The following DHODH variants were observed in gnomAD, a reference collection of about 807,000 sequenced individuals.
DHODH encodes dihydroorotate dehydrogenase (quinone), also known as dihydroorotate dehydrogenase (quinone), mitochondrial.
DHODH carries 30 observed loss-of-function variants against 39.7 expected under a neutral mutation model. That is an observed-to-expected ratio of 0.76 (90% confidence interval 0.57 to 1.02). The LOEUF is 1.02. DHODH is among the 50% of genes least tolerant of loss of function. The pLI is 0.00. For synonymous variants in DHODH, 222 were observed against 213.8 expected (o/e 1.04, Z -0.34); for missense variants, 531 against 520.8 (o/e 1.02, Z -0.19).
In DHODH at chr16:72,020,650, C is replaced by A. The variant is rs186359535; in HGVS notation, c.518-474C>A. Among the ~76,000 whole-genome samples, 236 of 152,112 alleles carry A rather than the reference C, an allele frequency of 1.6e-3. 2 individuals carry two copies. The highest frequency in any genetic ancestry group is 5.1e-3 in the African/African-American group (210 of 41,482). On this transcript the variant is annotated intron_variant, in intron 4 of 8. Transcript: ENST00000219240. ...TATAGGCGTGAGCCACCGCACCTGG[C>A]CTGTTTTTCAGTATTTTATACATGT...
At chr16:72,015,979 C>G in intron 3 of DHODH, 1 of 647,798 alleles carries the variant, frequency 1.5e-6, no homozygotes, top group Non-Finnish European at 1.9e-6. Flanking sequence ...ACAACAGGCA[C>G]ATTTGATATT....
intron 2 of DHODH, chr16:72,013,849 G>A (rs904039465): frequency 1.9e-5 from 3 of 157,396 alleles, no homozygotes; most frequent in Non-Finnish European, 4.2e-5. Flanking sequence ...TCCAGGATCC[G>A]ACCGTGTTCA....
chr16:72,012,049 G>A lies in DHODH; in HGVS notation c.22-1G>A, dbSNP rs2041087420. On this transcript the variant is annotated splice_acceptor_variant, in intron 1 of 8. Coordinates refer to ENST00000219240, the MANE Select transcript of DHODH (RefSeq NM_001361.5). LOFTEE classifies it high-confidence loss of function. ...CCCCCCTAATATGCTCTTTTTTGCAGAAGCGGGCCCAGGATGCTGTGATCA... is the reference window on the plus strand; with the variant it reads ...CCCCCCTAATATGCTCTTTTTTGCAAAAGCGGGCCCAGGATGCTGTGATCA... The A allele has an allele frequency of 6.2e-7, 1 of 1,613,828 alleles. No individual in the cohort carries two copies. Among genetic ancestry groups the A allele is most frequent in the Non-Finnish European group, 8.5e-7 (1 of 1,179,910 alleles).
rs1238449164 is a variant in DHODH, at chr16:72,017,073, G to A, written c.484G>A (p.Ala162Thr). The A allele has an allele frequency of 1.2e-6, 2 of 1,614,102 alleles. No individual in the cohort carries two copies. The highest frequency in any genetic ancestry group is 1.7e-6 in the Non-Finnish European group (2 of 1,179,984). The change falls in exon 4 of 9, where the codon GCC becomes ACC. Residue 162 changes from alanine to threonine, a missense_variant. Transcript: ENST00000219240. The stretch of plus-strand genomic sequence containing the variant: ...TTCAGTGGTGGAACACAGGTTACGG[G>A]CCAGACAGCAGAAGCAGGCCAAGCT... ...GLSVVEHRLR[A>T]RQQKQAKLTE...
At position 72,016,311 on chromosome 16, in the gene DHODH, AAAGAGG is replaced by A. The variant is rs545030584; in HGVS notation, c.435-703_435-698del. On this transcript the variant is annotated intron_variant, in intron 3 of 8. Coordinates refer to ENST00000219240, the MANE Select transcript of DHODH (RefSeq NM_001361.5). ...ATCAGGGCAGGTGGGTTTCACTGGC[AAAGAGG>A]AAGAGGAAGGGGACTGGCCACTAGG... is the stretch of plus-strand genomic sequence containing the variant. 2.4e-3 allele frequency: 370 copies of A among 154,740 alleles called. 1 individual carries two copies. The highest frequency in any genetic ancestry group is 8.1e-3 in the African/African-American group (336 of 41,550). 9.6% of individuals were successfully genotyped at this position (154,740 alleles called of 1,614,324 possible). A position where few individuals can be genotyped will look rare whatever the true frequency, so the allele number is the denominator to read the frequency against.
chr16:72,014,341 T>G, intron 2 of DHODH, 132 bp from the exon 3 acceptor site: 1 of 845,708 alleles, frequency 1.2e-6, no homozygotes, highest in Non-Finnish European at 1.9e-6. Flanking sequence ...ATTTTGACCT[T>G]GGGGGTGGGC....
Position 72,023,693 on chromosome 16 carries a change from C to T in DHODH, c.1133+60C>T, listed in dbSNP as rs2041249152. 3 of 1,601,342 alleles carry T rather than the reference C, an allele frequency of 1.9e-6. No homozygotes were observed. In the East Asian group the frequency reaches 6.7e-5, roughly 36 times the overall value. On this transcript the variant is annotated intron_variant, in intron 8 of 8. Transcript: ENST00000219240. Reference sequence around the variant, plus strand: ...TAGGCAGAGGTTCATTTAGATCACTCAAGTCAACGAGATACTGTTGATCTG... The same window carrying T: ...TAGGCAGAGGTTCATTTAGATCACTTAAGTCAACGAGATACTGTTGATCTG...
chr16:72,021,026 C>T, intron 4 of DHODH, 98 bp from the exon 5 acceptor site: 2 of 1,278,078 alleles, frequency 1.6e-6, no homozygotes, highest in South Asian at 1.4e-5. Flanking sequence ...GAGGGAAGGC[C>T]TGCGCGGCTG....
In DHODH at chr16:72,022,357, C is replaced by T. The variant is rs1221100620; in HGVS notation, c.706-5C>T. On this transcript the variant is annotated splice_polypyrimidine_tract_variant and splice_region_variant and intron_variant, in intron 5 of 8. Coordinates refer to ENST00000219240, the MANE Select transcript of DHODH (RefSeq NM_001361.5). ...GTCCCCAGCTCTGGCCGTGTGTCGC[C>T]CTAGGTGCTGCAGGAGAGGGATGGC... 1 of 1,551,484 alleles carries T rather than the reference C, an allele frequency of 6.4e-7. No individual in the cohort carries two copies.
At chr16:72,020,348 TATATATGTGTATATATA>T (rs1567572825) in intron 4 of DHODH, 2 of 117,928 alleles carry the variant, frequency 1.7e-5, no homozygotes, top group Non-Finnish European at 3.2e-5. Flanking sequence ...TATATATATA[TATATATGTGTATATATA>T]TATATATTTT....
At position 72,008,771 on chromosome 16, in the gene DHODH, T is replaced by G. The variant is rs1255512252; in HGVS notation, c.7T>G (p.Trp3Gly). 6.4e-7 allele frequency: 1 copy of G among 1,551,740 alleles called. No homozygotes were observed. Residue 3 changes from tryptophan (W) to glycine (G), a missense_variant, in exon 1 of 9, where the codon TGG (tryptophan) becomes GGG (glycine). Physicochemically the swap from Trp to Gly is radical, Grantham distance 184 (BLOSUM62 -2). Coordinates refer to ENST00000219240, the MANE Select transcript of DHODH (RefSeq NM_001361.5). MAWRHLKKRAQDA... is the reference protein window; with the variant it reads MAGRHLKKRAQDA... ...GCTTAATGACGGAAGGAGCATGGCG[T>G]GGAGACACCTGAAAGTGAGTCCCGC...
Position 72,014,479 on chromosome 16 carries a change from A to G in DHODH, c.241A>G (p.Arg81Gly), listed in dbSNP as rs751532422. The G allele has an allele frequency of 5.0e-6, 8 of 1,613,990 alleles. No homozygotes were observed. The highest frequency in any genetic ancestry group is 6.8e-6 in the Non-Finnish European group (8 of 1,179,992). Residue 81 changes from arginine (R) to glycine (G), a missense_variant, in exon 3 of 9, where the codon AGA becomes GGA. By Grantham distance (125) the Arg-to-Gly change is moderately radical (BLOSUM62 -2). Transcript: ENST00000219240. ...TTTGTCTTCCTCTTCCCAGGAAGTG[A>G]GAGTTCTGGGCCATAAATTCCGAAA... The part of the protein sequence containing the change: ...RFQDSDMLEV[R>G]VLGHKFRNPV...
intron 4 of DHODH, among the ~76,000 whole-genome samples, chr16:72,017,874 C>G (rs11865639): frequency 0.015 from 2,314 of 151,478 alleles, 60 homozygotes; most frequent in African/African-American, 0.051. Context: ...CGCGTTCTCA[C>G]TATTCTCCTG....
chr16:72,019,830 A>T (rs1207376110), intron 4 of DHODH, among the ~76,000 whole-genome samples: 1 of 152,202 alleles, frequency 6.6e-6, no homozygotes, highest in East Asian at 1.9e-4. Context: ...TTACACCTCT[A>T]CATTTTAGGC....
chr16:72,008,832 G>A (rs1213584369), intron 1 of DHODH, 47 bp downstream of exon 1: 3 of 1,552,308 alleles, frequency 1.9e-6, no homozygotes, highest in Non-Finnish European at 2.6e-6. Context: ...AGGGACCGGG[G>A]AGGGCGAGAA....
At position 72,021,187 on chromosome 16, in the gene DHODH, A is replaced by G; in HGVS notation, c.581A>G (p.Tyr194Cys). The stretch of plus-strand genomic sequence containing the variant: ...ACCTCAGTGGACGCCGCGGAGGACT[A>G]CGCAGAAGGGGTGCGCGTACTGGGC... The part of the protein sequence containing the change: ...NKTSVDAAED[Y>C]AEGVRVLGPL... The change falls in exon 5 of 9, where the codon TAC (tyrosine) becomes TGC (cysteine). Residue 194 changes from tyrosine to cysteine, a missense_variant. Transcript: ENST00000219240. 6.2e-7 allele frequency: 1 copy of G among 1,610,612 alleles called. No individual in the cohort carries two copies. The highest frequency in any genetic ancestry group is 8.5e-7 in the Non-Finnish European group (1 of 1,178,590).
rs553485157 is a variant in DHODH, at chr16:72,026,796, C to CT, written c.*2607dup. 3,363 of 148,982 alleles carry CT rather than the reference C, an allele frequency of 0.023. 48 individuals carry two copies. Among genetic ancestry groups the CT allele is most frequent in the Middle Eastern group, 0.042 (12 of 286 alleles). The allele number at this position is 148,982 out of a possible 1,614,324, so 9.2% of individuals were successfully genotyped here. A position where few individuals can be genotyped will look rare whatever the true frequency, so the allele number is the denominator to read the frequency against. ...GCGGATACCTATTTTTCTTTCTTTT[C>CT]TTTTTTTTTTCTGAGACAGAGTCTC... On this transcript the variant is annotated 3_prime_UTR_variant, in exon 9 of 9. Coordinates refer to ENST00000219240, the MANE Select transcript of DHODH (RefSeq NM_001361.5).
chr16:72,009,637 C>A (rs1223004855), intron 1 of DHODH, among the ~76,000 whole-genome samples: 1 of 151,122 alleles, frequency 6.6e-6, no homozygotes, highest in South Asian at 2.1e-4. Context: ...TTATTTGAGA[C>A]GGAGTCTTGG....
Position 72,023,309 on chromosome 16 carries a change from C to G in DHODH, c.964C>G (p.Leu322Val), listed in dbSNP as rs1397758686. 1 of 1,614,200 alleles carries G rather than the reference C, an allele frequency of 6.2e-7. No individual in the cohort carries two copies. The highest frequency in any genetic ancestry group is 1.1e-5 in the South Asian group (1 of 91,082). The change falls in exon 7 of 9, where the codon CTC becomes GTC. Residue 322 changes from leucine (L) to valine (V), a missense_variant. Physicochemically the swap from Leu to Val is conservative, Grantham distance 32 (BLOSUM62 1). Transcript: ENST00000219240. ...STQTIREMYA[L>V]TQGRVPIIGV... is the part of the protein sequence containing the mutation. ...TCAAACCATTCGGGAGATGTATGCA[C>G]TCACCCAAGGCAAGGTTTCCCGTGT...
Sources: gnomAD v4.1 joint callset for allele counts (sites outside exome capture counted in the v4.1 genomes callset) on GRCh38, gnomAD v4.1.1 for gene constraint, MANE v1.5 for transcripts, NCBI Gene and HGNC (gene_info 2026-07-23, HGNC 2026-07-21) for gene names.